Variants in GRIK4 observed in about 807,000 individuals in gnomAD.
GRIK4 encodes glutamate receptor ionotropic, kainate 4.
Under a neutral mutation model 104.9 loss-of-function variants are expected in GRIK4, and 40 were observed. That is an observed-to-expected ratio of 0.38 (90% CI 0.30 to 0.50). The LOEUF (loss-of-function observed/expected upper bound fraction) is 0.50. GRIK4 is among the 20% of genes least tolerant of loss of function. GRIK4 has a pLI of 0.93. For synonymous variants in GRIK4, 485 were observed against 524.9 expected (o/e 0.92, Z 1.04); for missense variants, 1,047 against 1,308.1 (o/e 0.80, Z 3.08).
chr11:120,946,903 T>C (rs1257537696), intron 14 of GRIK4, among the ~76,000 whole-genome samples: 1 of 152,200 alleles, frequency 6.6e-6, no homozygotes, highest in Non-Finnish European at 1.5e-5. Flanking sequence ...GAGGATACTA[T>C]CTCTGATCCC....
chr11:120,522,624 A>G (rs550326081), intron 1 of GRIK4, among the ~76,000 whole-genome samples: 3 of 152,272 alleles, frequency 2.0e-5, no homozygotes, highest in East Asian at 1.9e-4. Flanking sequence ...CCTGGCTCCC[A>G]TGGGTCTTTG....
chr11:120,855,981 G>T (rs970618960), intron 8 of GRIK4, among the ~76,000 whole-genome samples: 7 of 152,252 alleles, frequency 4.6e-5, no homozygotes, highest in Admixed American at 3.3e-4. Flanking sequence ...CTTTCCTTTT[G>T]GCAGGGCCCA....
At chr11:120,798,981 G>A (rs1302517703) in intron 3 of GRIK4, among the ~76,000 whole-genome samples, 1 of 152,164 alleles carries the variant, frequency 6.6e-6, no homozygotes, top group Non-Finnish European at 1.5e-5. Flanking sequence ...GGGATAGGTG[G>A]GACTGCTGGC....
At chr11:120,753,297 C>CTGTG (rs57423619) in intron 3 of GRIK4, among the ~76,000 whole-genome samples, 14,065 of 129,894 alleles carry the variant, frequency 0.11, 778 homozygotes, top group East Asian at 0.18. Flanking sequence ...CAACACAACT[C>CTGTG]TGTGTGTGTG....
At chr11:120,526,867 A>C (rs1341584728) in intron 1 of GRIK4, among the ~76,000 whole-genome samples, 1 of 152,228 alleles carries the variant, frequency 6.6e-6, no homozygotes, top group Non-Finnish European at 1.5e-5. Flanking sequence ...AGAAAAAAAA[A>C]GTTCGTTTTT....
At chr11:120,765,627 C>G (rs1951823533) in intron 3 of GRIK4, among the ~76,000 whole-genome samples, 3 of 152,132 alleles carry the variant, frequency 2.0e-5, no homozygotes, top group African/African-American at 7.2e-5. Context: ...TGCTGGTGAC[C>G]TTCAGATAGA....
Position 120,738,665 on chromosome 11 carries a change from G to A in GRIK4, c.83-64028G>A, listed in dbSNP as rs1951270450. 2.0e-5 allele frequency among the ~76,000 whole-genome samples: 3 copies of A among 152,230 alleles called. No homozygotes were observed. The South Asian group carries it at 6.2e-4, about 31-fold the overall frequency. The stretch of plus-strand genomic sequence containing the variant: ...ATGCAGGGCAAGCAGGGCCTGAAGG[G>A]CAGGAGGCACCATGCTTGCGGGCAA... On this transcript the variant is annotated intron_variant, in intron 3 of 20. Transcript: ENST00000527524.
chr11:120,718,774 C>A (rs1950881722), intron 3 of GRIK4, among the ~76,000 whole-genome samples: 1 of 152,230 alleles, frequency 6.6e-6, no homozygotes, highest in Non-Finnish European at 1.5e-5. Context: ...CTGCCAGTAC[C>A]AACCTTGGTC....
chr11:120,761,754 G>A (rs1406021898), intron 3 of GRIK4, among the ~76,000 whole-genome samples: 1 of 152,156 alleles, frequency 6.6e-6, no homozygotes, highest in East Asian at 1.9e-4. Context: ...AGATCAGATA[G>A]TTGTAGATGT....
At chr11:120,788,756 T>C (rs2051684069) in intron 3 of GRIK4, among the ~76,000 whole-genome samples, 1 of 152,004 alleles carries the variant, frequency 6.6e-6, no homozygotes, top group African/African-American at 2.4e-5. Context: ...TATCTTAATT[T>C]AAACACCCTT....
intron 3 of GRIK4, among the ~76,000 whole-genome samples, chr11:120,767,001 C>T (rs1951851907): frequency 6.6e-6 from 1 of 152,046 alleles, no homozygotes; most frequent in Non-Finnish European, 1.5e-5. Flanking sequence ...ATTAATAGTA[C>T]AATGAACATG....
At chr11:120,661,218 G>T (rs989243539) in intron 3 of GRIK4, among the ~76,000 whole-genome samples, 1 of 152,164 alleles carries the variant, frequency 6.6e-6, no homozygotes, top group African/African-American at 2.4e-5. Context: ...TGGGGTGTCG[G>T]GGATCAGGGG....
chr11:120,626,180 G>A (rs1410704306), intron 1 of GRIK4, among the ~76,000 whole-genome samples: 2 of 152,130 alleles, frequency 1.3e-5, no homozygotes, highest in East Asian at 3.9e-4. Context: ...GTATCTCTTT[G>A]AGTCCTTAGA....
chr11:120,972,902 G>A lies in GRIK4; in HGVS notation c.2395+5579G>A, dbSNP rs567346172. Among the ~76,000 whole-genome samples the A allele has an allele frequency of 1.6e-3, 243 of 152,178 alleles. 2 individuals carry two copies. The highest frequency in any genetic ancestry group is 6.4e-3 in the South Asian group (31 of 4,820). On this transcript the variant is annotated intron_variant, in intron 19 of 20. Coordinates refer to ENST00000527524, the MANE Select transcript of GRIK4 (RefSeq NM_014619.5). ...AAGTGGGGGACGTAAGAGGCGGCAC[G>A]TAGGGACCCAAGGCAGAGGGCCCAG... is the stretch of plus-strand genomic sequence containing the variant.
intron 3 of GRIK4, among the ~76,000 whole-genome samples, chr11:120,717,476 C>T (rs1950855372): frequency 6.6e-6 from 1 of 152,076 alleles, no homozygotes; most frequent in South Asian, 2.1e-4. Flanking sequence ...CCCACTATCT[C>T]CTTTGCCATC....
At chr11:120,776,721 G>A (rs1220217238) in intron 3 of GRIK4, among the ~76,000 whole-genome samples, 1 of 152,148 alleles carries the variant, frequency 6.6e-6, no homozygotes, top group Non-Finnish European at 1.5e-5. Context: ...CTTGACTGGG[G>A]CTGGAAAGTC....
chr11:120,608,438 C>T (rs917958697), intron 1 of GRIK4, among the ~76,000 whole-genome samples: 1 of 152,242 alleles, frequency 6.6e-6, no homozygotes, highest in Non-Finnish European at 1.5e-5. Context: ...GGGGCCAGCC[C>T]CACTGGCCAC....
rs1270341774 is a variant in GRIK4, at chr11:120,909,720, CTCTT to C, written c.1476+4233_1476+4236del. On this transcript the variant is annotated intron_variant, in intron 13 of 20. Coordinates refer to ENST00000527524, the MANE Select transcript of GRIK4 (RefSeq NM_014619.5). ...AGGGGCTTGGGGTTGACCAAGGAAT[CTCTT>C]TCTTTGGAGAGTTTGGGGAATATGG... 3.3e-5 allele frequency among the ~76,000 whole-genome samples: 5 copies of C among 152,256 alleles called. No individual in the cohort carries two copies. The East Asian group carries it at 9.7e-4, about 29-fold the overall frequency.
intron 1 of GRIK4, among the ~76,000 whole-genome samples, chr11:120,543,511 G>C (rs907690130): frequency 6.6e-6 from 1 of 152,190 alleles, no homozygotes; most frequent in African/African-American, 2.4e-5. Flanking sequence ...GGAGGCGGAT[G>C]TTGCAGTGAG....
Sources: allele counts gnomAD v4.1 joint callset (sites outside exome capture counted in the v4.1 genomes callset), GRCh38; gene constraint gnomAD v4.1.1; transcripts MANE v1.5; gene names NCBI Gene and HGNC (gene_info 2026-07-23, HGNC 2026-07-21).